ITGA1: variants seen among roughly 807,000 people sequenced by gnomAD.
ITGA1 encodes the protein integrin alpha-1.
Under a neutral mutation model 145.9 loss-of-function variants are expected in ITGA1, and 85 were observed. The ratio of observed to expected loss-of-function variants is 0.58; its 90% CI spans 0.49 to 0.70. The LOEUF is 0.70. Ranked by LOEUF, ITGA1 falls within the 30% of genes least tolerant of loss-of-function variation. ITGA1 has a pLI of 0.00. For missense variants in ITGA1, 1,351 were observed against 1,418.7 expected, an observed-to-expected ratio of 0.95 and a Z score of 0.77; for synonymous variants, 520 against 495.3, an observed-to-expected ratio of 1.05 and a Z score of -0.66.
rs77759148 is a variant in ITGA1 at position 52,844,307 on chromosome 5, A to G, written c.62-5058A>G. On this transcript the variant is annotated intron_variant, in intron 1 of 28. Transcript: ENST00000282588. ...TCCAGTCATTCCCCAAATCCTTTCC[A>G]GCCCATTGCTATTGTAGAAAAGTCT... 3.3e-4 allele frequency among the ~76,000 whole-genome samples: 51 copies of G among 152,256 alleles called. No homozygotes were observed. The East Asian group carries it at 9.3e-3, about 28-fold the overall frequency.
chr5:52,885,882 C>T (rs1392860445), intron 7 of ITGA1, among the ~76,000 whole-genome samples: 1 of 152,174 alleles, frequency 6.6e-6, no homozygotes, highest in East Asian at 1.9e-4. Flanking sequence ...TTTTGTTTTA[C>T]TGTTTACATT....
intron 11 of ITGA1, among the ~76,000 whole-genome samples, chr5:52,900,666 G>A (rs553192986): frequency 1.3e-4 from 20 of 152,272 alleles, no homozygotes; most frequent in Non-Finnish European, 2.5e-4. Context: ...TACAATTAGC[G>A]ATAGCGATGA....
intron 1 of ITGA1, among the ~76,000 whole-genome samples, chr5:52,806,633 T>C (rs1033980283): frequency 6.6e-6 from 1 of 152,142 alleles, no homozygotes; most frequent in Non-Finnish European, 1.5e-5. Context: ...ACCATCTGTA[T>C]TCTCATCCAC....
At chr5:52,796,851 G>A (rs1748352275) in intron 1 of ITGA1, among the ~76,000 whole-genome samples, 1 of 152,088 alleles carries the variant, frequency 6.6e-6, no homozygotes, top group Non-Finnish European at 1.5e-5. Context: ...GGACTTTAAA[G>A]ATAGGCAGCA....
intron 3 of ITGA1, among the ~76,000 whole-genome samples, chr5:52,863,299 A>G (rs1287700335): frequency 1.3e-5 from 2 of 152,228 alleles, no homozygotes; most frequent in Non-Finnish European, 2.9e-5. Context: ...TGGATAAAAT[A>G]TATATGCATA....
intron 23 of ITGA1, among the ~76,000 whole-genome samples, chr5:52,936,921 T>A (rs1750973017): frequency 6.6e-6 from 1 of 152,070 alleles, no homozygotes; most frequent in East Asian, 1.9e-4. Context: ...TGGTGGCAGA[T>A]CCCATCTAGC....
intron 11 of ITGA1, among the ~76,000 whole-genome samples, chr5:52,900,720 A>G (rs561528585): frequency 2.0e-5 from 3 of 152,256 alleles, no homozygotes; most frequent in Admixed American, 6.5e-5. Context: ...GCCCCTGGCT[A>G]TGGCTTTAGG....
chr5:52,868,529 C>A (rs1749725109), intron 6 of ITGA1, among the ~76,000 whole-genome samples: 1 of 152,172 alleles, frequency 6.6e-6, no homozygotes, highest in Non-Finnish European at 1.5e-5. Context: ...TTCTGCCTGT[C>A]CACCAGAGGA....
At chr5:52,884,220 G>A (rs1485169145) in intron 7 of ITGA1, among the ~76,000 whole-genome samples, 2 of 152,088 alleles carry the variant, frequency 1.3e-5, no homozygotes, top group African/African-American at 4.8e-5. Context: ...GAGGCGGCTG[G>A]ATCACCTGAG....
At chr5:52,907,719 T>A (rs1750433654) in intron 12 of ITGA1, among the ~76,000 whole-genome samples, 1 of 152,184 alleles carries the variant, frequency 6.6e-6, no homozygotes, top group Non-Finnish European at 1.5e-5. Context: ...GTAAAGCTGC[T>A]GGGCAAAAAA....
intron 7 of ITGA1, among the ~76,000 whole-genome samples, chr5:52,886,482 G>A (rs1317347035): frequency 6.6e-6 from 1 of 152,172 alleles, no homozygotes; most frequent in Non-Finnish European, 1.5e-5. Flanking sequence ...AATGGCAGCT[G>A]TTTGTCTGTA....
chr5:52,925,363 T>A lies in ITGA1; in HGVS notation c.2489T>A (p.Leu830Gln), dbSNP rs770176989. The A allele has an allele frequency of 3.7e-6, 6 of 1,614,076 alleles. No homozygotes were observed. The highest frequency in any genetic ancestry group is 5.1e-6 in the Non-Finnish European group (6 of 1,179,914). The change falls in exon 19 of 29, where the codon CTG (leucine) becomes CAG (glutamine). Residue 830 changes from leucine (L) to glutamine (Q), a missense_variant. By Grantham distance (113) the Leu-to-Gln change is moderately radical. Coordinates refer to ENST00000282588, the MANE Select transcript of ITGA1 (RefSeq NM_181501.2). The part of the protein sequence containing the change: ...LHVATTEKDL[L>Q]IVRSQNDKFN... ...GTCGCCACCACTGAAAAGGACCTGC[T>A]GATTGTCCGATCCCAGAATGATAAG... is the stretch of plus-strand genomic sequence containing the variant.
chr5:52,937,031 CA>C (rs77369695), intron 23 of ITGA1, among the ~76,000 whole-genome samples: 9,585 of 140,174 alleles, frequency 0.068, 537 homozygotes, highest in Admixed American at 0.19. Context: ...TTTCCAGTTT[CA>C]AAAAGACTGG....
rs575564132 is a variant in ITGA1, at chr5:52,897,362, C to A, written c.1091-93C>A. On this transcript the variant is annotated intron_variant, in intron 9 of 28. Coordinates refer to ENST00000282588, the MANE Select transcript of ITGA1 (RefSeq NM_181501.2). ...ATGTTTGAAGTTCTGGTTGGTAAGA[C>A]CACAAGCTCTACCAGGTATCTGTAT... 6 of 849,732 alleles carry A rather than the reference C, an allele frequency of 7.1e-6. 1 individual carries two copies. The South Asian group carries it at 7.8e-5, about 11-fold the overall frequency. The allele number at this position is 849,732 out of a possible 1,614,324, so 52.6% of individuals were successfully genotyped here. A position where few individuals can be genotyped will look rare whatever the true frequency, so the allele number is the denominator to read the frequency against.
intron 17 of ITGA1, 69 bp from the exon 18 acceptor site, chr5:52,922,708 G>A: frequency 1.0e-6 from 1 of 957,512 alleles, no homozygotes; most frequent in Non-Finnish European, 1.7e-6. Context: ...ACAGAAGAAG[G>A]AGACATAACA....
rs118131224 is a variant in ITGA1, at chr5:52,818,932, A to G, written c.62-30433A>G. ...AAAATGTCAGTGACTTCATACCACA[A>G]TGGTTTATTTTGCTCATGTATCTCA... is the stretch of plus-strand genomic sequence containing the variant. On this transcript the variant is annotated intron_variant, in intron 1 of 28. Transcript: ENST00000282588. 3.3e-4 allele frequency among the ~76,000 whole-genome samples: 50 copies of G among 152,242 alleles called. 1 individual carries two copies. The East Asian group carries it at 9.3e-3, about 28-fold the overall frequency.
At chr5:52,928,656 T>C (rs1032063152) in intron 20 of ITGA1, among the ~76,000 whole-genome samples, 1 of 152,206 alleles carries the variant, frequency 6.6e-6, no homozygotes, top group Non-Finnish European at 1.5e-5. Context: ...ATGGAACAAA[T>C]TGAATTTCCA....
intron 14 of ITGA1, 24 bp from the exon 15 acceptor site, chr5:52,915,440 A>G: frequency 6.2e-7 from 1 of 1,610,174 alleles, no homozygotes; most frequent in Non-Finnish European, 8.5e-7. Flanking sequence ...CTCATATGAA[A>G]CTCTTTTTTT....
chr5:52,911,993 T>TATATATA (rs1554046457), intron 14 of ITGA1, among the ~76,000 whole-genome samples: 68,254 of 89,004 alleles, frequency 0.77, 26,744 homozygotes, highest in African/African-American at 0.85. Flanking sequence ...ATATGTATAG[T>TATATATA]GTGTATCTAC....
Sources: gnomAD v4.1 joint callset for allele counts (sites outside exome capture counted in the v4.1 genomes callset) on GRCh38, gnomAD v4.1.1 for gene constraint, MANE v1.5 for transcripts, NCBI Gene and HGNC (gene_info 2026-07-23, HGNC 2026-07-21) for gene names.